The following ABCA3 variants were observed in gnomAD, a reference collection of about 807,000 sequenced individuals.
The protein encoded by ABCA3 is phospholipid-transporting ATPase ABCA3.
Under a neutral mutation model 172.8 loss-of-function variants are expected in ABCA3, and 88 were observed. That is an observed-to-expected ratio of 0.51 (90% CI 0.43 to 0.61). The LOEUF (loss-of-function observed/expected upper bound fraction) is 0.61, where lower values mean the gene tolerates loss of function less well. Ranked by LOEUF, ABCA3 falls within the 20% of genes least tolerant of loss-of-function variation. The pLI is 0.00. For synonymous variants in ABCA3, 1,066 were observed against 983.8 expected (o/e 1.08, Z -1.56); for missense variants, 2,164 against 2,301.0 (o/e 0.94, Z 1.22).
chr16:2,298,961 G>A (rs574697484), intron 14 of ABCA3, among the ~76,000 whole-genome samples: 9 of 152,284 alleles, frequency 5.9e-5, no homozygotes, highest in Admixed American at 2.6e-4. Context: ...CTGCTCCTGC[G>A]TGGTGGCCTC....
Position 2,276,755 on chromosome 16 carries a change from G to A in ABCA3, c.5034C>T (p.Tyr1678=), listed in dbSNP as rs753393683. ...GTTCCAGCGAGATCTGGCTCACGGA[G>A]TAGTCGTCCACGCCGTACTTTTCCT... The part of the protein sequence containing the change: ...KAKEKYGVDD[Y]SVSQISLEQV... Residue 1678 remains tyrosine (Y), a synonymous_variant, in exon 33 of 33, where the codon TAC becomes TAT. Transcript: ENST00000301732. 4 of 1,613,924 alleles carry A rather than the reference G, an allele frequency of 2.5e-6. No homozygotes were observed. Among genetic ancestry groups the A allele is most frequent in the South Asian group, 1.1e-5 (1 of 91,092 alleles).
intron 12 of ABCA3, 26 bp from the exon 13 acceptor site, chr16:2,300,174 G>A: frequency 6.2e-7 from 1 of 1,612,814 alleles, no homozygotes; most frequent in Non-Finnish European, 8.5e-7. Flanking sequence ...ACAGCTGTCA[G>A]TTTGTTTTGT....
In ABCA3 at chr16:2,285,747, G is replaced by A. The variant is rs949840730; in HGVS notation, c.3279-101C>T. On this transcript the variant is annotated intron_variant, in intron 22 of 32. Coordinates refer to ENST00000301732, the MANE Select transcript of ABCA3 (RefSeq NM_001089.3). The surrounding 1 kb of genome is among the most constrained non-coding windows in gnomAD (Gnocchi z 4.7). ...ACCGCCCAAGGCATGCAGGGCAGCAGCCCAACCACTAAAGGGGCTTATGGG... is the reference window on the plus strand; with the variant it reads ...ACCGCCCAAGGCATGCAGGGCAGCAACCCAACCACTAAAGGGGCTTATGGG... 8.7e-6 allele frequency: 10 copies of A among 1,150,388 alleles called. No individual in the cohort carries two copies. Among genetic ancestry groups the A allele is most frequent in the African/African-American group, 1.5e-5 (1 of 65,362 alleles). 71.3% of individuals were successfully genotyped at this position (1,150,388 alleles called of 1,614,324 possible).
In ABCA3 at chr16:2,287,970, TCTGGCTGCAGGACTGGCCC is replaced by T; in HGVS notation, c.3004+37_3004+55del. On this transcript the variant is annotated intron_variant, in intron 21 of 32. Coordinates refer to ENST00000301732, the MANE Select transcript of ABCA3 (RefSeq NM_001089.3). This position sits in a 1 kb window ranked among gnomAD's most constrained non-coding sequence, Gnocchi z 4.1. Reference sequence around the variant, plus strand: ...CCCTGCTGCAGTCAGGAAGGCGAACTCTGGCTGCAGGACTGGCCCCCGATGCCCCCGTCCCGCCCCCGGG... The same window carrying T: ...CCCTGCTGCAGTCAGGAAGGCGAACTCCGATGCCCCCGTCCCGCCCCCGGG... 3 of 1,588,300 alleles carry T rather than the reference TCTGGCTGCAGGACTGGCCC, an allele frequency of 1.9e-6. No homozygotes were observed. The highest frequency in any genetic ancestry group is 2.6e-6 in the Non-Finnish European group (3 of 1,172,886).
intron 3 of ABCA3, among the ~76,000 whole-genome samples, chr16:2,328,161 T>C (rs1243868018): frequency 2.0e-5 from 3 of 152,220 alleles, no homozygotes; most frequent in African/African-American, 7.2e-5. Flanking sequence ...ATACAGGTGA[T>C]AGCAGAAATG....
At chr16:2,293,388 T>TG (rs1555487984) in intron 18 of ABCA3, among the ~76,000 whole-genome samples, 1 of 146,938 alleles carries the variant, frequency 6.8e-6, no homozygotes, top group Admixed American at 6.8e-5. Context: ...TTTTTTTTTT[T>TG]GGAGACAGGG....
At position 2,285,138 on chromosome 16, in the gene ABCA3, G is replaced by A. The variant is rs1000007320; in HGVS notation, c.3484-140C>T. 18 of 1,009,704 alleles carry A rather than the reference G, an allele frequency of 1.8e-5. No individual in the cohort carries two copies. The Admixed American group carries it at 1.8e-4, about 10-fold the overall frequency. The allele number at this position is 1,009,704 out of a possible 1,614,324, so 62.5% of individuals were successfully genotyped here. A position where few individuals can be genotyped will look rare whatever the true frequency, so the allele number is the denominator to read the frequency against. On this transcript the variant is annotated intron_variant, in intron 23 of 32. Transcript: ENST00000301732. The surrounding 1 kb of genome is among the most constrained non-coding windows in gnomAD (Gnocchi z 4.7). ...CATGTCCATCAGCCCCACAGGCCAC[G>A]TCTGGCCCCCGCGGTGGCTTTCAGC...
chr16:2,281,172 G>A lies in ABCA3; in HGVS notation c.4214C>T (p.Ala1405Val), dbSNP rs149559041. ...GCCGAAGCACTCCCCTTTCTGCACC[G>A]CGAGGGAGAGCCTGTCCACGGCCAG... ...PLLAVDRLSL[A>V]VQKGECFGLL... The change falls in exon 28 of 33, where the codon GCG becomes GTG. Residue 1405 changes from alanine (A) to valine (V), a missense_variant. Transcript: ENST00000301732. The surrounding 1 kb of genome is among the most constrained non-coding windows in gnomAD (Gnocchi z 4.7). 54 of 1,613,664 alleles carry A rather than the reference G, an allele frequency of 3.3e-5. No homozygotes were observed. In the African/African-American group the frequency reaches 5.7e-4, roughly 17 times the overall value.
At chr16:2,307,940 T>C (rs554507283) in intron 11 of ABCA3, among the ~76,000 whole-genome samples, 1 of 152,284 alleles carries the variant, frequency 6.6e-6, no homozygotes, top group South Asian at 2.1e-4. Flanking sequence ...CTCAGGAAGC[T>C]GGAAGAGGCC....
chr16:2,298,552 C>T lies in ABCA3; in HGVS notation c.1742-12G>A. ...GGGGGGAAAGAGACCTGGGGCCCAGCAGGAGACCCCACATTCAGCATGAAG... is the reference window on the plus strand; with the variant it reads ...GGGGGGAAAGAGACCTGGGGCCCAGTAGGAGACCCCACATTCAGCATGAAG... On this transcript the variant is annotated splice_polypyrimidine_tract_variant and intron_variant, in intron 14 of 32. Coordinates refer to ENST00000301732, the MANE Select transcript of ABCA3 (RefSeq NM_001089.3). 3 of 1,612,338 alleles carry T rather than the reference C, an allele frequency of 1.9e-6. No individual in the cohort carries two copies. Among genetic ancestry groups the T allele is most frequent in the Non-Finnish European group, 2.5e-6 (3 of 1,179,966 alleles).
intron 14 of ABCA3, 24 bp from the exon 15 acceptor site, chr16:2,298,564 C>G: frequency 6.2e-7 from 1 of 1,611,608 alleles, no homozygotes; most frequent in Non-Finnish European, 8.5e-7. Context: ...GGAGACCCCA[C>G]ATTCAGCATG....
Position 2,319,402 on chromosome 16 carries a change from G to A in ABCA3, c.873+179C>T, listed in dbSNP as rs147081676. Among the ~76,000 whole-genome samples, 1,907 of 151,744 alleles carry A rather than the reference G, an allele frequency of 0.013. 31 individuals are homozygous for A. The highest frequency in any genetic ancestry group is 0.043 in the African/African-American group (1,779 of 41,366). On this transcript the variant is annotated intron_variant, in intron 8 of 32. Transcript: ENST00000301732. The stretch of plus-strand genomic sequence containing the variant: ...CGGGAGGCTGAGGCAGGAGAATGGC[G>A]TGAACCCGGGAGGCAGAGCTTGCAG...
In ABCA3 at chr16:2,283,113, C is replaced by A; in HGVS notation, c.4035+73G>T. 6.7e-7 allele frequency: 1 copy of A among 1,503,752 alleles called. No homozygotes were observed. Among genetic ancestry groups the A allele is most frequent in the Non-Finnish European group, 9.1e-7 (1 of 1,100,406 alleles). The allele number at this position is 1,503,752 out of a possible 1,614,324, so 93.2% of individuals were successfully genotyped here. ...TGGTGGAGAAGGAGGTGGAGCTGCC[C>A]CAGGTTGTGCTGGGCCCAAGCAGAG... On this transcript the variant is annotated intron_variant, in intron 26 of 32. Transcript: ENST00000301732. This position sits in a 1 kb window ranked among gnomAD's most constrained non-coding sequence, Gnocchi z 5.4.
At chr16:2,322,313 C>G (rs1456766551) in intron 7 of ABCA3, among the ~76,000 whole-genome samples, 1 of 151,806 alleles carries the variant, frequency 6.6e-6, no homozygotes, top group Non-Finnish European at 1.5e-5. Flanking sequence ...CTTTCAGAAA[C>G]CAGTTATACT....
Position 2,317,340 on chromosome 16 carries a change from A to T in ABCA3, c.1054T>A (p.Cys352Ser). Residue 352 changes from cysteine (C) to serine (S), a missense_variant, in exon 10 of 33, where the codon TGC (cysteine) becomes AGC (serine). Cys to Ser is a moderately radical substitution (Grantham distance 112). Coordinates refer to ENST00000301732, the MANE Select transcript of ABCA3 (RefSeq NM_001089.3). ...DPSLVLAFLL[C>S]FAISTISFSF... ...AAGGAGATGGTAGAGATGGCGAAGC[A>T]CAGCAGGAAGGCGAGCACCAGGGAG... The T allele has an allele frequency of 6.2e-7, 1 of 1,614,104 alleles. No individual in the cohort carries two copies. The highest frequency in any genetic ancestry group is 2.2e-5 in the East Asian group (1 of 44,876).
chr16:2,308,657 G>A (rs1435952858), intron 10 of ABCA3, 34 bp from the exon 11 acceptor site: 12 of 1,612,064 alleles, frequency 7.4e-6, no homozygotes, highest in Middle Eastern at 1.8e-4. Flanking sequence ...GGGCGTGAGC[G>A]TCAGTGCCCT....
intron 1 of ABCA3, among the ~76,000 whole-genome samples, chr16:2,334,972 G>A (rs2093749514): frequency 6.6e-6 from 1 of 150,992 alleles, no homozygotes; most frequent in African/African-American, 2.4e-5. Context: ...GGGATTACAG[G>A]CACTCGCCAC....
At chr16:2,299,930 T>C (rs2093686272) in intron 13 of ABCA3, 75 bp downstream of exon 13, 1 of 1,592,266 alleles carries the variant, frequency 6.3e-7, no homozygotes, top group East Asian at 2.2e-5. Context: ...GGCTATGAGG[T>C]CTCACTGCCG....
At chr16:2,324,866 T>C (rs781509881) in intron 5 of ABCA3, among the ~76,000 whole-genome samples, 18 of 152,146 alleles carry the variant, frequency 1.2e-4, no homozygotes, top group Non-Finnish European at 2.4e-4. Context: ...GTGGCTTCTC[T>C]TTCTCAAAAC....
Sources: allele counts gnomAD v4.1 joint callset (sites outside exome capture counted in the v4.1 genomes callset), GRCh38; gene constraint gnomAD v4.1.1; non-coding constraint Gnocchi (gnomAD v3.1); transcripts MANE v1.5; gene names NCBI Gene and HGNC (gene_info 2026-07-23, HGNC 2026-07-21).